STXBP5: variants seen among roughly 807,000 people sequenced by gnomAD.
STXBP5 encodes syntaxin-binding protein 5.
STXBP5 carries 50 observed loss-of-function variants against 152.4 expected under a neutral mutation model. That is an observed-to-expected ratio of 0.33 (90% confidence interval 0.26 to 0.42). STXBP5 has a LOEUF of 0.42. Ranked by LOEUF, STXBP5 falls within the 10% of genes least tolerant of loss-of-function variation. STXBP5 has a pLI of 1.00. For synonymous variants in STXBP5, 492 were observed against 494.7 expected, an observed-to-expected ratio of 0.99 and a Z score of 0.07; for missense variants, 1,167 against 1,388.6, an observed-to-expected ratio of 0.84 and a Z score of 2.54.
intron 2 of STXBP5, among the ~76,000 whole-genome samples, chr6:147,217,491 A>G (rs1213411076): frequency 6.6e-6 from 1 of 152,238 alleles, no homozygotes; most frequent in Non-Finnish European, 1.5e-5. Flanking sequence ...AAGTATATTT[A>G]TCTATCAAAA....
Position 147,260,862 on chromosome 6 carries a change from CTTAATA to C in STXBP5, c.566+118_566+123del, listed in dbSNP as rs1442612805. ...TGGAATTAAATATGTGACAGATGTTCTTAATATTAAGTACAGATTTATTAGTTTTTT... is the reference window on the plus strand; with the variant it reads ...TGGAATTAAATATGTGACAGATGTTCTTAAGTACAGATTTATTAGTTTTTT... On this transcript the variant is annotated intron_variant, in intron 5 of 27. Transcript: ENST00000321680. 18 of 1,299,222 alleles carry C rather than the reference CTTAATA, an allele frequency of 1.4e-5. No individual in the cohort carries two copies. In the East Asian group the frequency reaches 2.0e-4, roughly 14 times the overall value. The allele number at this position is 1,299,222 out of a possible 1,614,324, so 80.5% of individuals were successfully genotyped here.
At chr6:147,284,814 A>G (rs1043664635) in intron 8 of STXBP5, among the ~76,000 whole-genome samples, 1 of 152,276 alleles carries the variant, frequency 6.6e-6, no homozygotes, top group African/African-American at 2.4e-5. Context: ...GCAAGATTAT[A>G]TATCAAAGTA....
intron 2 of STXBP5, among the ~76,000 whole-genome samples, chr6:147,210,383 CTGTTT>C (rs1268019747): frequency 6.6e-6 from 1 of 152,054 alleles, no homozygotes; most frequent in Admixed American, 6.6e-5. Flanking sequence ...TATACTTTCA[CTGTTT>C]TGTTTTGGTT....
intron 21 of STXBP5, among the ~76,000 whole-genome samples, chr6:147,344,947 G>A (rs73586351): frequency 0.017 from 2,535 of 152,232 alleles, 51 homozygotes; most frequent in African/African-American, 0.055. Context: ...GAAGACAAAA[G>A]CTCTGGGAGT....
intron 4 of STXBP5, among the ~76,000 whole-genome samples, chr6:147,249,930 C>T (rs1779002952): frequency 6.6e-6 from 1 of 152,036 alleles, no homozygotes; most frequent in South Asian, 2.1e-4. Flanking sequence ...TCAGCAGGAG[C>T]CAAAATGGAG....
intron 25 of STXBP5, among the ~76,000 whole-genome samples, chr6:147,370,530 A>C (rs1785491088): frequency 6.6e-6 from 1 of 152,042 alleles, no homozygotes; most frequent in Admixed American, 6.6e-5. Flanking sequence ...ATTATTCTTA[A>C]CTGTACCATA....
At chr6:147,341,499 T>C (rs2128399088) in intron 21 of STXBP5, among the ~76,000 whole-genome samples, 1 of 152,326 alleles carries the variant, frequency 6.6e-6, no homozygotes, top group African/African-American at 2.4e-5. Flanking sequence ...TAGCTTCAAC[T>C]TATAGGTAGT....
intron 2 of STXBP5, among the ~76,000 whole-genome samples, chr6:147,232,877 G>C (rs1778073683): frequency 6.6e-6 from 1 of 151,680 alleles, no homozygotes; most frequent in Admixed American, 6.6e-5. Context: ...AACGTCTCTT[G>C]ACCTCTGTGT....
At position 147,313,890 on chromosome 6, in the gene STXBP5, T is replaced by C. The variant is rs377276563; in HGVS notation, c.1152T>C (p.Pro384=). Residue 384 remains proline (P), a synonymous_variant, in exon 12 of 28, where the codon CCT becomes CCC. Transcript: ENST00000321680. ...VLIDLAQNGY[P]IFENPYPLSI... ...TCTTTTTCTGTTGTTAAAGATATCC[T>C]ATATTTGAAAATCCCTACCCTTTGA... The C allele has an allele frequency of 2.0e-6, 3 of 1,534,572 alleles. No individual in the cohort carries two copies. The highest frequency in any genetic ancestry group is 2.7e-6 in the Non-Finnish European group (3 of 1,125,512).
intron 17 of STXBP5, among the ~76,000 whole-genome samples, chr6:147,325,841 C>G (rs574580666): frequency 6.6e-6 from 1 of 151,940 alleles, no homozygotes; most frequent in Non-Finnish European, 1.5e-5. Flanking sequence ...CCTCTGTATC[C>G]ACGGATTCAA....
At chr6:147,217,363 A>G (rs1256262263) in intron 2 of STXBP5, among the ~76,000 whole-genome samples, 1 of 152,226 alleles carries the variant, frequency 6.6e-6, no homozygotes, top group East Asian at 1.9e-4. Context: ...GGATGCTGGG[A>G]TAAAAAGCTG....
At chr6:147,360,562 T>C (rs1785018746) in intron 23 of STXBP5, among the ~76,000 whole-genome samples, 1 of 152,180 alleles carries the variant, frequency 6.6e-6, no homozygotes, top group Non-Finnish European at 1.5e-5. Context: ...AATGCATTCC[T>C]AATACCTCAA....
At chr6:147,307,116 A>G (rs1054537249) in intron 9 of STXBP5, among the ~76,000 whole-genome samples, 2 of 152,180 alleles carry the variant, frequency 1.3e-5, no homozygotes, top group Non-Finnish European at 2.9e-5. Context: ...AGCTGAACCT[A>G]TTGTTAAGGC....
intron 21 of STXBP5, among the ~76,000 whole-genome samples, chr6:147,340,136 G>A (rs1784025502): frequency 6.6e-6 from 1 of 151,946 alleles, no homozygotes; most frequent in Admixed American, 6.6e-5. Flanking sequence ...TTATCATACA[G>A]TTATTGTATT....
At chr6:147,255,782 G>A (rs1002358524) in intron 4 of STXBP5, among the ~76,000 whole-genome samples, 1 of 152,138 alleles carries the variant, frequency 6.6e-6, no homozygotes, top group African/African-American at 2.4e-5. Context: ...CCACAGTGCT[G>A]GAATTACAGG....
At position 147,204,424 on chromosome 6, in the gene STXBP5, C is replaced by T. The variant is rs905215069; in HGVS notation, c.-109C>T. On this transcript the variant is annotated 5_prime_UTR_variant, in exon 1 of 28. Coordinates refer to ENST00000321680, the MANE Select transcript of STXBP5 (RefSeq NM_001127715.4). This position sits in a 1 kb window ranked among gnomAD's most constrained non-coding sequence, Gnocchi z 4.3. The stretch of plus-strand genomic sequence containing the variant: ...AGCTGCCTCCTTACCCTCACACTCC[C>T]ACTCCTCCGTTTCCGCGGTCGAAGC... 9.9e-6 allele frequency: 10 copies of T among 1,015,190 alleles called. No homozygotes were observed. Among genetic ancestry groups the T allele is most frequent in the Non-Finnish European group, 2.9e-6 (2 of 681,898 alleles). The allele number at this position is 1,015,190 out of a possible 1,614,324, so 62.9% of individuals were successfully genotyped here.
At chr6:147,226,356 ACTC>A (rs1018772763) in intron 2 of STXBP5, among the ~76,000 whole-genome samples, 6 of 152,222 alleles carry the variant, frequency 3.9e-5, no homozygotes, top group South Asian at 2.1e-4. Context: ...TTTTAAGAAA[ACTC>A]ATTCATTCAT....
At chr6:147,373,663 A>C (rs1339401124) in intron 25 of STXBP5, 68 bp from the exon 26 acceptor site, 7 of 1,120,074 alleles carry the variant, frequency 6.2e-6, no homozygotes, top group Non-Finnish European at 8.2e-6. Flanking sequence ...GTTTACAGTG[A>C]TACTTTTGTT....
intron 4 of STXBP5, among the ~76,000 whole-genome samples, chr6:147,240,268 T>C (rs1778477455): frequency 6.6e-6 from 1 of 152,166 alleles, no homozygotes; most frequent in Non-Finnish European, 1.5e-5. Context: ...AGTTTTATTT[T>C]TTATACTTAA....
Sources: allele counts gnomAD v4.1 joint callset (sites outside exome capture counted in the v4.1 genomes callset), GRCh38; gene constraint gnomAD v4.1.1; non-coding constraint Gnocchi (gnomAD v3.1); transcripts MANE v1.5; gene names NCBI Gene and HGNC (gene_info 2026-07-23, HGNC 2026-07-21).